GRIK4: variants seen among roughly 807,000 people sequenced by gnomAD.
GRIK4 encodes the protein glutamate ionotropic receptor kainate type subunit 4.
A neutral mutation model predicts 104.9 loss-of-function variants in GRIK4; 40 were observed. The observed-to-expected ratio is 0.38, with a 90% confidence interval of 0.30 to 0.50. GRIK4 has a LOEUF of 0.50. Among genes scored for constraint, GRIK4 ranks in the 20% least tolerant of loss-of-function variants. The pLI is 0.93. For missense variants in GRIK4, 1,047 were observed against 1,308.1 expected (o/e 0.80, Z 3.08); for synonymous variants, 485 against 524.9 (o/e 0.92, Z 1.04).
At chr11:120,625,809 G>GGACTCATCA (rs1949252094) in intron 1 of GRIK4, among the ~76,000 whole-genome samples, 1 of 152,050 alleles carries the variant, frequency 6.6e-6, no homozygotes, top group African/African-American at 2.4e-5. Context: ...GTTAGAGGAA[G>GGACTCATCA]GACTCATCAG....
chr11:120,568,973 T>A (rs966446500), intron 1 of GRIK4, among the ~76,000 whole-genome samples: 2 of 152,262 alleles, frequency 1.3e-5, no homozygotes, highest in African/African-American at 2.4e-5. Context: ...GCCTCTCTAA[T>A]GTGCCCCAAA....
In GRIK4 at chr11:120,831,979, C is replaced by T. The variant is rs752710745; in HGVS notation, c.639C>T (p.Ala213=). The T allele has an allele frequency of 3.7e-6, 6 of 1,613,812 alleles. No individual in the cohort carries two copies. The highest frequency in any genetic ancestry group is 1.1e-5 in the South Asian group (1 of 91,056). The change falls in exon 7 of 21, where the codon GCC becomes GCT. Residue 213 remains alanine, a synonymous_variant. Transcript: ENST00000527524. ...AGGAGATCCGGGACGACAAGACCGC[C>T]ACCATCATCATCCACGCCAACGCCT... ...LLKEIRDDKT[A]TIIIHANASM...
intron 1 of GRIK4, among the ~76,000 whole-genome samples, chr11:120,548,152 A>G (rs1181670149): frequency 6.6e-6 from 1 of 152,190 alleles, no homozygotes; most frequent in African/African-American, 2.4e-5. Context: ...TCTGAGGCCC[A>G]CGCTGTCTCC....
intron 5 of GRIK4, among the ~76,000 whole-genome samples, chr11:120,817,163 C>T (rs1952983530): frequency 6.6e-6 from 1 of 152,126 alleles, no homozygotes. Context: ...CCCCACCACA[C>T]AGTCTTTGCT....
intron 1 of GRIK4, among the ~76,000 whole-genome samples, chr11:120,572,469 C>A (rs532789504): frequency 1.3e-5 from 2 of 152,242 alleles, no homozygotes; most frequent in African/African-American, 4.8e-5. Flanking sequence ...ATGAGCATGT[C>A]GAGGCGGGGA....
chr11:120,565,982 C>A (rs1475558247), intron 1 of GRIK4, among the ~76,000 whole-genome samples: 1 of 152,158 alleles, frequency 6.6e-6, no homozygotes, highest in Admixed American at 6.5e-5. Context: ...ATGTTTCCTA[C>A]CCCTTGAGCC....
intron 8 of GRIK4, among the ~76,000 whole-genome samples, chr11:120,853,622 G>C (rs1954027680): frequency 6.6e-6 from 1 of 152,248 alleles, no homozygotes; most frequent in African/African-American, 2.4e-5. Context: ...ATTCTAGCTT[G>C]ATTGACAGGT....
At chr11:120,744,342 C>A (rs1165664994) in intron 3 of GRIK4, among the ~76,000 whole-genome samples, 1 of 152,158 alleles carries the variant, frequency 6.6e-6, no homozygotes, top group African/African-American at 2.4e-5. Context: ...CACAGCAAGA[C>A]CCACAACCCC....
intron 3 of GRIK4, among the ~76,000 whole-genome samples, chr11:120,676,786 A>C (rs371220098): frequency 1.3e-5 from 2 of 152,350 alleles, no homozygotes; most frequent in South Asian, 4.1e-4. Context: ...GGGGACAAAC[A>C]AACCATGTCC....
chr11:120,512,325 G>A (rs1423607500), intron 1 of GRIK4, among the ~76,000 whole-genome samples: 3 of 150,254 alleles, frequency 2.0e-5, no homozygotes, highest in African/African-American at 7.4e-5. Flanking sequence ...CCTACACCTC[G>A]TCACCCTCCG....
At chr11:120,742,520 A>ATTTTT (rs566223500) in intron 3 of GRIK4, among the ~76,000 whole-genome samples, 21 of 96,156 alleles carry the variant, frequency 2.2e-4, no homozygotes, top group African/African-American at 9.0e-4. Flanking sequence ...TATTATTATT[A>ATTTTT]TTATTATTTT....
chr11:120,862,711 T>C (rs1954294388), intron 9 of GRIK4, among the ~76,000 whole-genome samples: 1 of 152,142 alleles, frequency 6.6e-6, no homozygotes, highest in South Asian at 2.1e-4. Context: ...TTCCGGCATG[T>C]GTGACGGGAG....
chr11:120,850,246 C>T (rs563126724), intron 8 of GRIK4, among the ~76,000 whole-genome samples: 175 of 152,118 alleles, frequency 1.2e-3, no homozygotes, highest in African/African-American at 4.0e-3. Context: ...AAGGCAACTG[C>T]GTCATATAGC....
intron 1 of GRIK4, among the ~76,000 whole-genome samples, chr11:120,637,390 A>G (rs1471967431): frequency 1.3e-5 from 2 of 152,148 alleles, no homozygotes; most frequent in African/African-American, 4.8e-5. Flanking sequence ...TCCCCTTCAC[A>G]GGCAGAGTGA....
intron 13 of GRIK4, among the ~76,000 whole-genome samples, chr11:120,918,566 G>C (rs1232862037): frequency 1.3e-5 from 2 of 152,164 alleles, no homozygotes; most frequent in Non-Finnish European, 2.9e-5. Flanking sequence ...CACGTGCTCT[G>C]GGATGGGGGG....
intron 3 of GRIK4, among the ~76,000 whole-genome samples, chr11:120,737,261 G>A (rs1029650762): frequency 2.6e-5 from 4 of 152,078 alleles, no homozygotes; most frequent in Admixed American, 6.6e-5. Flanking sequence ...AATAAATGAG[G>A]GGCAGCATCT....
intron 3 of GRIK4, among the ~76,000 whole-genome samples, chr11:120,723,807 C>T (rs1178734904): frequency 6.6e-6 from 1 of 151,542 alleles, no homozygotes; most frequent in African/African-American, 2.4e-5. Flanking sequence ...TTTTTTAACA[C>T]TTTAAAAATT....
chr11:120,698,357 G>T (rs1402750163), intron 3 of GRIK4, among the ~76,000 whole-genome samples: 3 of 152,226 alleles, frequency 2.0e-5, no homozygotes, highest in African/African-American at 4.8e-5. Flanking sequence ...TAATGGCTTT[G>T]CATTAAGAGA....
At chr11:120,615,504 G>A (rs985746030) in intron 1 of GRIK4, among the ~76,000 whole-genome samples, 2 of 152,212 alleles carry the variant, frequency 1.3e-5, no homozygotes, top group African/African-American at 4.8e-5. Flanking sequence ...CTCACCCTTT[G>A]ATGAATTTGT....
Sources: allele counts gnomAD v4.1 joint callset (sites outside exome capture counted in the v4.1 genomes callset), GRCh38; gene constraint gnomAD v4.1.1; transcripts MANE v1.5; gene names NCBI Gene and HGNC (gene_info 2026-07-23, HGNC 2026-07-21).